FHOD3: variants seen among roughly 807,000 people sequenced by gnomAD.
The protein encoded by FHOD3 is FH1/FH2 domain-containing protein 3.
FHOD3 carries 90 observed loss-of-function variants against 173.0 expected under a neutral mutation model. The ratio of observed to expected loss-of-function variants is 0.52; its 90% CI spans 0.44 to 0.62. FHOD3 has a LOEUF of 0.62. Ranked by LOEUF, FHOD3 falls within the 20% of genes least tolerant of loss-of-function variation. FHOD3 has a pLI of 0.00. For missense variants in FHOD3, 1,945 were observed against 2,034.7 expected (o/e 0.96, Z 0.85); for synonymous variants, 828 against 823.0 (o/e 1.01, Z -0.10).
chr18:36,630,113 T>C (rs2034405484), intron 10 of FHOD3, among the ~76,000 whole-genome samples: 1 of 152,190 alleles, frequency 6.6e-6, no homozygotes, highest in African/African-American at 2.4e-5. Context: ...GTTTTGGCTA[T>C]TGGAAAGGGT....
chr18:36,359,651 A>T (rs779009721), intron 2 of FHOD3, among the ~76,000 whole-genome samples: 7 of 152,140 alleles, frequency 4.6e-5, no homozygotes, highest in Non-Finnish European at 8.8e-5. Context: ...AGGGGTCCTG[A>T]TGGGGTCTCT....
chr18:36,663,992 G>C (rs952871388), intron 14 of FHOD3, among the ~76,000 whole-genome samples: 1 of 152,016 alleles, frequency 6.6e-6, no homozygotes, highest in African/African-American at 2.4e-5. Context: ...TTGGGTTTTT[G>C]AATGACTGTG....
intron 5 of FHOD3, among the ~76,000 whole-genome samples, chr18:36,559,435 T>A (rs1175124658): frequency 6.6e-6 from 1 of 152,168 alleles, no homozygotes; most frequent in African/African-American, 2.4e-5. Context: ...GACTTTGCCC[T>A]TTCCTCCTTT....
rs1599560183 is a variant in FHOD3 at position 36,537,119 on chromosome 18, G to T, written c.511+24576G>T. On this transcript the variant is annotated intron_variant, in intron 5 of 28. Transcript: ENST00000590592. ...TCAGGCTTAGTGTGGATAGCTTCAG[G>T]TGTAGCTTCCAGGTAGTCAGTATGG... Among the ~76,000 whole-genome samples the T allele has an allele frequency of 1.3e-5, 2 of 152,194 alleles. 1 individual carries two copies.
chr18:36,750,594 G>GAC (rs535898057), intron 24 of FHOD3, among the ~76,000 whole-genome samples: 91 of 152,266 alleles, frequency 6.0e-4, no homozygotes, highest in South Asian at 2.3e-3. Flanking sequence ...GTATTGCCTA[G>GAC]GTTGTCTCCC....
intron 5 of FHOD3, among the ~76,000 whole-genome samples, chr18:36,550,201 A>G (rs1329780093): frequency 2.1e-5 from 3 of 145,410 alleles, no homozygotes; most frequent in Non-Finnish European, 4.5e-5. Context: ...ATATATGTAT[A>G]TATCACTTGT....
intron 3 of FHOD3, among the ~76,000 whole-genome samples, chr18:36,480,897 G>A (rs548537089): frequency 6.6e-6 from 1 of 151,790 alleles, no homozygotes; most frequent in Non-Finnish European, 1.5e-5. Context: ...TTTTTCCCTT[G>A]CCTTGAGCAC....
At chr18:36,316,296 T>A (rs16967732) in intron 1 of FHOD3, among the ~76,000 whole-genome samples, 13,303 of 151,976 alleles carry the variant, frequency 0.088, 1,879 homozygotes, top group African/African-American at 0.3. Flanking sequence ...CAAGGAGAAG[T>A]TTAGCCCCAT....
At chr18:36,661,134 GAAAT>G (rs1333747895) in intron 14 of FHOD3, among the ~76,000 whole-genome samples, 1 of 151,292 alleles carries the variant, frequency 6.6e-6, no homozygotes, top group Non-Finnish European at 1.5e-5. Flanking sequence ...AAAAAAAAAA[GAAAT>G]AAGAGGATCT....
At chr18:36,513,896 T>C (rs2055802470) in intron 5 of FHOD3, among the ~76,000 whole-genome samples, 1 of 152,054 alleles carries the variant, frequency 6.6e-6, no homozygotes, top group Non-Finnish European at 1.5e-5. Context: ...GCAGTGTTTG[T>C]GGGGCTGCGG....
intron 6 of FHOD3, among the ~76,000 whole-genome samples, chr18:36,579,256 G>A (rs55930272): frequency 0.022 from 3,350 of 152,212 alleles, 59 homozygotes; most frequent in Non-Finnish European, 0.03. Context: ...TTGACTTTTT[G>A]TACATGACAC....
At chr18:36,498,631 A>G (rs2054864521) in intron 3 of FHOD3, among the ~76,000 whole-genome samples, 1 of 152,230 alleles carries the variant, frequency 6.6e-6, no homozygotes, top group Non-Finnish European at 1.5e-5. Context: ...ATAGCCCTAC[A>G]TTAATGAAGA....
intron 24 of FHOD3, among the ~76,000 whole-genome samples, chr18:36,750,069 C>A (rs1340383638): frequency 6.6e-6 from 1 of 152,040 alleles, no homozygotes; most frequent in Admixed American, 6.6e-5. Context: ...GTGGGTGGAT[C>A]ACGAGGTCAG....
intron 19 of FHOD3, among the ~76,000 whole-genome samples, chr18:36,727,654 T>C (rs1176408113): frequency 6.6e-6 from 1 of 152,092 alleles, no homozygotes; most frequent in African/African-American, 2.4e-5. Flanking sequence ...TAGAGGGGTG[T>C]GTGCAGGCAT....
chr18:36,351,638 A>G (rs1598805759), intron 1 of FHOD3, among the ~76,000 whole-genome samples: 1 of 152,170 alleles, frequency 6.6e-6, no homozygotes, highest in Admixed American at 6.5e-5. Flanking sequence ...GAGAAGAGGA[A>G]TGGTGAGAAC....
At chr18:36,665,109 A>G (rs1205478472) in intron 14 of FHOD3, among the ~76,000 whole-genome samples, 2 of 152,144 alleles carry the variant, frequency 1.3e-5, no homozygotes, top group Admixed American at 6.5e-5. Context: ...GAAAATGTAT[A>G]TTGCTAGATC....
intron 10 of FHOD3, among the ~76,000 whole-genome samples, chr18:36,636,532 C>T (rs556290123): frequency 1.2e-3 from 179 of 152,094 alleles, no homozygotes; most frequent in Non-Finnish European, 2.2e-3. Context: ...TTGATCGTCC[C>T]GAGAGAGCAT....
At chr18:36,361,685 CAAA>C (rs539956783) in intron 2 of FHOD3, among the ~76,000 whole-genome samples, 9 of 66,914 alleles carry the variant, frequency 1.3e-4, no homozygotes, top group Non-Finnish European at 2.1e-4. Flanking sequence ...GACTCCGTCT[CAAA>C]AAAAAAAAAA....
chr18:36,506,946 C>T (rs951430183), intron 4 of FHOD3, among the ~76,000 whole-genome samples: 8 of 152,156 alleles, frequency 5.3e-5, no homozygotes, highest in African/African-American at 1.9e-4. Flanking sequence ...TATTCTCTCC[C>T]CCCAAAATAA....
Sources: allele counts gnomAD v4.1 joint callset (sites outside exome capture counted in the v4.1 genomes callset), GRCh38; gene constraint gnomAD v4.1.1; transcripts MANE v1.5; gene names NCBI Gene and HGNC (gene_info 2026-07-23, HGNC 2026-07-21).